Variants in CSMD1 observed in about 807,000 individuals in gnomAD.
The protein encoded by CSMD1 is CUB and Sushi multiple domains 1.
A neutral mutation model predicts 417.5 loss-of-function variants in CSMD1; 213 were observed. The observed-to-expected ratio is 0.51, with a 90% CI of 0.46 to 0.57. CSMD1 has a LOEUF of 0.57. Among genes scored for constraint, CSMD1 ranks in the 20% least tolerant of loss-of-function variants. CSMD1 has a pLI of 0.00. For synonymous variants in CSMD1, 2,862 were observed against 1,736.8 expected (o/e 1.65, Z -16.11); for missense variants, 6,923 against 4,529.7 (o/e 1.53, Z -15.17).
chr8:3,970,373 C>T (rs1160672515), intron 5 of CSMD1, among the ~76,000 whole-genome samples: 1 of 152,098 alleles, frequency 6.6e-6, no homozygotes. Flanking sequence ...GCAACTCCGA[C>T]CAAACAGTAA....
At chr8:4,109,851 G>T (rs1801760403) in intron 3 of CSMD1, among the ~76,000 whole-genome samples, 1 of 152,098 alleles carries the variant, frequency 6.6e-6, no homozygotes, top group African/African-American at 2.4e-5. Context: ...TAAAAATAAG[G>T]GAGAGGTCCA....
intron 3 of CSMD1, among the ~76,000 whole-genome samples, chr8:4,284,428 G>A (rs1204427682): frequency 7.7e-6 from 1 of 130,384 alleles, no homozygotes; most frequent in African/African-American, 2.9e-5. Context: ...AAACACTGCG[G>A]GAGGGTACCT....
intron 7 of CSMD1, among the ~76,000 whole-genome samples, chr8:3,691,424 G>A (rs1800239024): frequency 6.6e-6 from 1 of 152,034 alleles, no homozygotes; most frequent in South Asian, 2.1e-4. Flanking sequence ...AAAAAACTGT[G>A]TCAATGAAGA....
chr8:4,467,556 A>C (rs1186722542), intron 2 of CSMD1, among the ~76,000 whole-genome samples: 1 of 152,210 alleles, frequency 6.6e-6, no homozygotes, highest in African/African-American at 2.4e-5. Flanking sequence ...CCTGTTGAAA[A>C]ATTGTTATTT....
chr8:4,275,510 C>T (rs1796434931), intron 3 of CSMD1, among the ~76,000 whole-genome samples: 2 of 152,048 alleles, frequency 1.3e-5, no homozygotes, highest in South Asian at 2.1e-4. Context: ...AAACAAACAA[C>T]TGTGCTGCTT....
intron 7 of CSMD1, among the ~76,000 whole-genome samples, chr8:3,687,671 G>A (rs944230882): frequency 6.6e-6 from 1 of 152,144 alleles, no homozygotes; most frequent in South Asian, 2.1e-4. Context: ...CGCTAGGACC[G>A]AGGCTCCCTG....
chr8:4,871,906 T>C (rs1275523764), intron 1 of CSMD1, among the ~76,000 whole-genome samples: 1 of 152,116 alleles, frequency 6.6e-6, no homozygotes, highest in African/African-American at 2.4e-5. Context: ...CTTGCAATTC[T>C]GTACTCTGTC....
chr8:3,388,841 T>A (rs774812391), intron 17 of CSMD1, among the ~76,000 whole-genome samples: 65 of 151,334 alleles, frequency 4.3e-4, no homozygotes, highest in Non-Finnish European at 1.5e-4. Context: ...TAGAAATCTA[T>A]TACCTACCAC....
At chr8:4,528,836 T>A (rs979450789) in intron 2 of CSMD1, among the ~76,000 whole-genome samples, 1 of 152,124 alleles carries the variant, frequency 6.6e-6, no homozygotes, top group African/African-American at 2.4e-5. Flanking sequence ...AAAACTTCTG[T>A]CTTTTAAGAA....
chr8:4,963,241 C>T (rs558732544), intron 1 of CSMD1, among the ~76,000 whole-genome samples: 49 of 152,276 alleles, frequency 3.2e-4, no homozygotes, highest in Admixed American at 1.0e-3. Flanking sequence ...TGCTCTGTCA[C>T]GCAGGCTGGA....
chr8:3,552,311 A>G (rs1457869520), intron 10 of CSMD1, among the ~76,000 whole-genome samples: 1 of 152,136 alleles, frequency 6.6e-6, no homozygotes, highest in African/African-American at 2.4e-5. Flanking sequence ...GCATGAAAAA[A>G]TAAGGTCAGC....
intron 36 of CSMD1, among the ~76,000 whole-genome samples, chr8:3,184,777 T>C (rs1286812853): frequency 6.6e-6 from 1 of 152,312 alleles, no homozygotes; most frequent in South Asian, 2.1e-4. Flanking sequence ...GGATAGCCAA[T>C]AGTCTCAGAC....
chr8:4,582,760 T>C (rs1236342800), intron 2 of CSMD1, among the ~76,000 whole-genome samples: 1 of 152,202 alleles, frequency 6.6e-6, no homozygotes, highest in African/African-American at 2.4e-5. Flanking sequence ...ACCGCTGCAC[T>C]GTGGGAGCCC....
chr8:3,190,866 A>G (rs114084306), intron 33 of CSMD1, among the ~76,000 whole-genome samples: 1,752 of 152,364 alleles, frequency 0.011, 32 homozygotes, highest in African/African-American at 0.04. Flanking sequence ...AAGCAGCCAC[A>G]GAAGAACGAA....
At chr8:4,458,893 G>C (rs1307454560) in intron 2 of CSMD1, among the ~76,000 whole-genome samples, 1 of 152,176 alleles carries the variant, frequency 6.6e-6, no homozygotes, top group South Asian at 2.1e-4. Context: ...CAAGCACAAT[G>C]GGTGGAGAAT....
chr8:3,327,244 G>A (rs184378270), intron 23 of CSMD1, among the ~76,000 whole-genome samples: 5 of 151,764 alleles, frequency 3.3e-5, no homozygotes, highest in Non-Finnish European at 2.9e-5. Context: ...CCAGGTTCAC[G>A]CCATTCTCCT....
chr8:3,986,874 C>T (rs531606224), intron 5 of CSMD1, among the ~76,000 whole-genome samples: 1 of 152,196 alleles, frequency 6.6e-6, no homozygotes, highest in East Asian at 1.9e-4. Flanking sequence ...CCTGCTTCAG[C>T]CTCCCAAGTA....
intron 26 of CSMD1, among the ~76,000 whole-genome samples, chr8:3,280,979 G>A (rs10100845): frequency 0.75 from 114,039 of 151,838 alleles, 43,204 homozygotes; most frequent in Admixed American, 0.84. Context: ...AAGGCCAGGA[G>A]TAAAATGAAG....
chr8:4,330,775 C>T (rs77686945), intron 3 of CSMD1, among the ~76,000 whole-genome samples: 614 of 152,166 alleles, frequency 4.0e-3, no homozygotes, highest in Admixed American at 6.6e-3. Flanking sequence ...CTCCTCCCTA[C>T]TTATCATTTC....
Sources: gnomAD v4.1 joint callset for allele counts (sites outside exome capture counted in the v4.1 genomes callset) on GRCh38, gnomAD v4.1.1 for gene constraint, MANE v1.5 for transcripts, NCBI Gene and HGNC (gene_info 2026-07-23, HGNC 2026-07-21) for gene names.